The following POLE variants were observed in gnomAD, a reference collection of about 807,000 sequenced individuals.
The protein encoded by POLE is DNA polymerase epsilon catalytic subunit A.
In POLE, 188 loss-of-function variants were observed where a neutral mutation model predicts 279.2. The ratio of observed to expected loss-of-function variants is 0.67; its 90% CI spans 0.60 to 0.76. POLE has a LOEUF of 0.76. Among genes scored for constraint, POLE ranks in the 30% least tolerant of loss-of-function variants. The probability of loss-of-function intolerance (pLI) is 0.00; values close to 1 mark genes in which losing one functional copy is unlikely to be tolerated. For missense variants in POLE, 2,703 were observed against 3,016.7 expected (o/e 0.90, Z 2.44); for synonymous variants, 1,214 against 1,172.5 (o/e 1.04, Z -0.72).
At chr12:132,624,854 GAGGAGGCCA>G (rs148604472) in intron 48 of POLE, 42 bp downstream of exon 48, 4 of 1,452,964 alleles carry the variant, frequency 2.8e-6, no homozygotes, top group Non-Finnish European at 2.8e-6. Flanking sequence ...TCCACTCAGA[GAGGAGGCCA>G]AGGAGGCCAG....
intron 3 of POLE, 124 bp downstream of exon 3, chr12:132,680,483 G>T: frequency 1.3e-6 from 1 of 771,198 alleles, no homozygotes; most frequent in Non-Finnish European, 2.2e-6. Context: ...GCCTCCAGGG[G>T]CCCGAGTTCT....
rs1166482142 is a variant in POLE, at chr12:132,624,715, G to C, written c.6843C>G (p.Asn2281Lys). The change falls in exon 49 of 49, where the codon AAC (asparagine) becomes AAG (lysine). Residue 2281 changes from asparagine to lysine, a missense_variant. By Grantham distance (94) the Asn-to-Lys change is moderately conservative. This residue lies in a region of POLE where 1,551 missense variants were observed against 1,686.1 expected (regional missense o/e 0.92). Coordinates refer to ENST00000320574, the MANE Select transcript of POLE (RefSeq NM_006231.4). ...GGGCTGGCTAATGGCCCAGCTGTGG[G>C]TTCTTCTGCAGCAGCCACTCCAGGG... ...LETLEWLLQK[N>K]PQLGH 1 of 1,610,882 alleles carries C rather than the reference G, an allele frequency of 6.2e-7. No homozygotes were observed. The highest frequency in any genetic ancestry group is 8.5e-7 in the Non-Finnish European group (1 of 1,177,272).
chr12:132,662,047 G>A (rs930840525), intron 23 of POLE, among the ~76,000 whole-genome samples: 2 of 152,224 alleles, frequency 1.3e-5, no homozygotes, highest in Non-Finnish European at 2.9e-5. Context: ...GCTTCGTGGT[G>A]CTGGACACAC....
rs36120395 is a variant in POLE at position 132,668,439 on chromosome 12, G to A, written c.2090C>T (p.Pro697Leu). Reference sequence around the variant, plus strand: ...CCGAGCTGGCCCCTCTGGGAACAAGGGGGGGAACTTCTCTGACTCCAGCTG... The same window carrying A: ...CCGAGCTGGCCCCTCTGGGAACAAGAGGGGGAACTTCTCTGACTCCAGCTG... Reference protein sequence around the residue: ...QHQLESEKFPPLFPEGPARAF... With the variant: ...QHQLESEKFPLLFPEGPARAF... Residue 697 changes from proline to leucine, a missense_variant, in exon 19 of 49, where the codon CCC becomes CTC. By Grantham distance (98) the Pro-to-Leu change is moderately conservative. This residue lies in a region of POLE where 1,011 missense variants were observed against 1,111.7 expected (regional missense o/e 0.91). Transcript: ENST00000320574. This position sits in a 1 kb window ranked among gnomAD's most constrained non-coding sequence, Gnocchi z 4.0. 1.6e-4 allele frequency: 262 copies of A among 1,612,688 alleles called. No individual in the cohort carries two copies. The highest frequency in any genetic ancestry group is 2.2e-4 in the Non-Finnish European group (257 of 1,179,318).
Position 132,673,267 on chromosome 12 carries a change from G to A in POLE, c.1370C>T (p.Thr457Met), listed in dbSNP as rs878854842. ...GGCGACAGCATCTGACACAGAATAC[G>A]TGGCCAGAGTCTGAGGAGAGAACGC... ...MATEQPQTLA[T>M]YSVSDAVATY... The change falls in exon 14 of 49, where the codon ACG (threonine) becomes ATG (methionine). Residue 457 changes from threonine (T) to methionine (M), a missense_variant. Coordinates refer to ENST00000320574, the MANE Select transcript of POLE (RefSeq NM_006231.4). 5.0e-6 allele frequency: 8 copies of A among 1,606,706 alleles called. No individual in the cohort carries two copies. Among genetic ancestry groups the A allele is most frequent in the Non-Finnish European group, 6.8e-6 (8 of 1,173,266 alleles).
intron 45 of POLE, among the ~76,000 whole-genome samples, chr12:132,628,087 T>C (rs1362737829): frequency 6.6e-6 from 1 of 152,248 alleles, no homozygotes; most frequent in African/African-American, 2.4e-5. Flanking sequence ...CTCACGCCTG[T>C]AATCCCAGCA....
Position 132,661,197 on chromosome 12 carries a change from G to T in POLE, c.2865-33C>A. 6.5e-7 allele frequency: 1 copy of T among 1,549,964 alleles called. No homozygotes were observed. Among genetic ancestry groups the T allele is most frequent in the South Asian group, 1.2e-5 (1 of 83,116 alleles). ...AAAAAAAAAAGGCAAGCACAGCAGT[G>T]GCAAGGAGCGCTGGGGAGCCACCAG... is the stretch of plus-strand genomic sequence containing the variant. On this transcript the variant is annotated intron_variant, in intron 24 of 48. Transcript: ENST00000320574. This position sits in a 1 kb window ranked among gnomAD's most constrained non-coding sequence, Gnocchi z 4.1.
At position 132,676,595 on chromosome 12, in the gene POLE, T is replaced by A. The variant is rs2136015843; in HGVS notation, c.860A>T (p.Asp287Val). Residue 287 changes from aspartate to valine, a missense_variant, in exon 9 of 49, where the codon GAT becomes GTT. This residue lies in a region of POLE where 1,011 missense variants were observed against 1,111.7 expected (regional missense o/e 0.91). Coordinates refer to ENST00000320574, the MANE Select transcript of POLE (RefSeq NM_006231.4). ...CATCATAATCTGGTCTGTCTCAGCATCAGGAAACTTGAGGGGCAGTTTGGT... is the reference window on the plus strand; with the variant it reads ...CATCATAATCTGGTCTGTCTCAGCAACAGGAAACTTGAGGGGCAGTTTGGT... Reference protein sequence around the residue: ...ETTKLPLKFPDAETDQIMMIS... With the variant: ...ETTKLPLKFPVAETDQIMMIS... 1 of 1,614,046 alleles carries A rather than the reference T, an allele frequency of 6.2e-7. No homozygotes were observed. Among genetic ancestry groups the A allele is most frequent in the Non-Finnish European group, 8.5e-7 (1 of 1,179,924 alleles).
chr12:132,683,634 C>T (rs2043213198), intron 1 of POLE, among the ~76,000 whole-genome samples: 1 of 152,174 alleles, frequency 6.6e-6, no homozygotes, highest in Non-Finnish European at 1.5e-5. Flanking sequence ...AGAGAACAGC[C>T]TCAGTTCTGA....
At chr12:132,680,391 T>C (rs539588511) in intron 3 of POLE, 169 bp from the exon 4 acceptor site, 23 of 686,006 alleles carry the variant, frequency 3.4e-5, no homozygotes, top group Admixed American at 2.9e-4. Flanking sequence ...GGGGCAAGAA[T>C]CTGAAAGACA....
intron 46 of POLE, 63 bp from the exon 47 acceptor site, chr12:132,625,833 G>A: frequency 1.3e-6 from 2 of 1,577,220 alleles, no homozygotes; most frequent in East Asian, 2.2e-5. Context: ...GCCATGGGCA[G>A]GATCTCAGGA....
rs1291600656 is a variant in POLE at position 132,641,685 on chromosome 12, G to C, written c.5340C>G (p.Ala1780=). ...AGCACAGGGCTGTCTCATCGTAGCT[G>C]GCCGGGGCACTGGCAGCCTGACCAC... ...ITGGQAASAP[A]SYDETALCSN... is the part of the protein sequence containing the mutation. Residue 1780 remains alanine, a synonymous_variant, in exon 39 of 49, where the codon GCC becomes GCG. Transcript: ENST00000320574. The C allele has an allele frequency of 6.2e-7, 1 of 1,613,886 alleles. No individual in the cohort carries two copies. Among genetic ancestry groups the C allele is most frequent in the South Asian group, 1.1e-5 (1 of 91,088 alleles).
intron 12 of POLE, among the ~76,000 whole-genome samples, chr12:132,674,663 G>A (rs1478606175): frequency 6.6e-6 from 1 of 152,130 alleles, no homozygotes; most frequent in African/African-American, 2.4e-5. Context: ...GATCAGGACT[G>A]TCACACCGTC....
Position 132,632,320 on chromosome 12 carries a change from A to G in POLE, c.6325T>C (p.Cys2109Arg), listed in dbSNP as rs1387352431. 1.2e-6 allele frequency: 2 copies of G among 1,613,512 alleles called. No individual in the cohort carries two copies. Among genetic ancestry groups the G allele is most frequent in the Non-Finnish European group, 1.7e-6 (2 of 1,179,564 alleles). ...ACGCACGCTGGCACTCTCACCTTGC[A>G]CACGTATTTGATGAACTCCAGGGCA... is the stretch of plus-strand genomic sequence containing the variant. ...NPALEFIKYVCKVLSLDTNIT... is the reference protein window; with the variant it reads ...NPALEFIKYVRKVLSLDTNIT... Residue 2109 changes from cysteine (C) to arginine (R), a missense_variant, in exon 45 of 49, where the codon TGC becomes CGC. Around this residue, in one of 5 missense-constraint regions of POLE, gnomAD observed 1,551 missense variants for 1,686.1 expected, o/e 0.92. Transcript: ENST00000320574.
chr12:132,640,015 GC>G lies in POLE; in HGVS notation c.5379-718del, dbSNP rs2042110551. ...AACAAAACATCACCATACCCACATG[GC>G]CCCAGCTGGTCAGAAACAAGAACTT... On this transcript the variant is annotated intron_variant, in intron 39 of 48. Transcript: ENST00000320574. Among the ~76,000 whole-genome samples, 3 of 151,914 alleles carry G rather than the reference GC, an allele frequency of 2.0e-5. No homozygotes were observed. In the South Asian group the frequency reaches 6.3e-4, roughly 32 times the overall value.
chr12:132,657,966 T>C lies in POLE; in HGVS notation c.3280A>G (p.Ile1094Val). The change falls in exon 27 of 49, where the codon ATC becomes GTC. Residue 1094 changes from isoleucine to valine, a missense_variant. Transcript: ENST00000320574. ...PEGSPVTERAIPLAIFQAEPT... is the reference protein window; with the variant it reads ...PEGSPVTERAVPLAIFQAEPT... ...TCTGCTTGGAAAATGGCAAGTGGGA[T>C]GGCCCTGGGTAAGGAAGACAGGCAC... 6.2e-7 allele frequency: 1 copy of C among 1,609,856 alleles called. No individual in the cohort carries two copies. The highest frequency in any genetic ancestry group is 8.5e-7 in the Non-Finnish European group (1 of 1,176,218).
intron 32 of POLE, among the ~76,000 whole-genome samples, chr12:132,646,526 A>G (rs1321556011): frequency 2.4e-4 from 6 of 25,238 alleles, no homozygotes; most frequent in South Asian, 1.5e-3. Flanking sequence ...TTCTTCCTTT[A>G]AAAAAAAAAA....
intron 2 of POLE, among the ~76,000 whole-genome samples, 186 bp from the exon 3 acceptor site, chr12:132,680,873 G>T (rs561729171): frequency 7.6e-4 from 115 of 152,190 alleles, no homozygotes; most frequent in Non-Finnish European, 1.4e-3. Flanking sequence ...CTCCAAATGG[G>T]GATCTCTCTC....
chr12:132,636,572 G>A (rs956774033), intron 41 of POLE, among the ~76,000 whole-genome samples: 37 of 151,640 alleles, frequency 2.4e-4, no homozygotes, highest in African/African-American at 8.2e-4. Context: ...CCCAGGCAAC[G>A]TGGCAAAACC....
Sources: allele counts gnomAD v4.1 joint callset (sites outside exome capture counted in the v4.1 genomes callset), GRCh38; gene constraint gnomAD v4.1.1; regional missense constraint gnomAD v4.1.1; non-coding constraint Gnocchi (gnomAD v3.1); transcripts MANE v1.5; gene names NCBI Gene and HGNC (gene_info 2026-07-23, HGNC 2026-07-21).